The following RBM26 variants were observed in gnomAD, a reference collection of about 807,000 sequenced individuals.
RBM26 encodes RNA-binding protein 26.
Under a neutral mutation model 123.6 loss-of-function variants are expected in RBM26, and 30 were observed. The observed-to-expected ratio is 0.24, with a 90% confidence interval of 0.18 to 0.33. The LOEUF (loss-of-function observed/expected upper bound fraction) is 0.33. RBM26 is among the 10% of genes least tolerant of loss of function. RBM26 has a pLI of 1.00. For synonymous variants in RBM26, 400 were observed against 404.4 expected, an observed-to-expected ratio of 0.99 and a Z score of 0.13; for missense variants, 947 against 1,203.6, an observed-to-expected ratio of 0.79 and a Z score of 3.15.
chr13:79,346,913 A>G (rs9318623), intron 14 of RBM26, among the ~76,000 whole-genome samples: 72,593 of 151,980 alleles, frequency 0.48, 17,941 homozygotes, highest in East Asian at 0.72. Context: ...TGGCCAAAAG[A>G]AAAAACTCCT....
chr13:79,395,542 C>A (rs567135813), intron 1 of RBM26, among the ~76,000 whole-genome samples: 3 of 151,906 alleles, frequency 2.0e-5, no homozygotes, highest in South Asian at 4.2e-4. Context: ...AAGTTCAAGA[C>A]AAGTCTAGTT....
chr13:79,378,832 T>C lies in RBM26; in HGVS notation c.147A>G (p.Leu49=), dbSNP rs756240771. Residue 49 remains leucine (L), a synonymous_variant, in exon 2 of 22, where the codon TTA becomes TTG. Transcript: ENST00000438737. ...LVKKDKSEKE[L]KALCIDQLDV... is the part of the protein sequence containing the mutation. The stretch of plus-strand genomic sequence containing the variant: ...CCAGCTGATCAATACATAATGCCTT[T>C]AACTCTTTTTCACTTTTGTCTTTCT... The C allele has an allele frequency of 1.2e-6, 2 of 1,612,672 alleles. No individual in the cohort carries two copies. Among genetic ancestry groups the C allele is most frequent in the South Asian group, 1.1e-5 (1 of 91,036 alleles).
chr13:79,347,433 G>GAGATTAGA (rs895131081), intron 14 of RBM26, among the ~76,000 whole-genome samples: 1 of 152,084 alleles, frequency 6.6e-6, no homozygotes, highest in African/African-American at 2.4e-5. Context: ...TCTGGTTCTG[G>GAGATTAGA]AGATTAGACA....
intron 14 of RBM26, among the ~76,000 whole-genome samples, chr13:79,350,311 T>G (rs2073044621): frequency 6.6e-6 from 1 of 152,184 alleles, no homozygotes; most frequent in Admixed American, 6.5e-5. Flanking sequence ...AGATTAAATA[T>G]TCCACTGGTT....
chr13:79,358,326 A>G lies in RBM26; in HGVS notation c.1637T>C (p.Ile546Thr). The G allele has an allele frequency of 6.2e-7, 1 of 1,611,160 alleles. No homozygotes were observed. The highest frequency in any genetic ancestry group is 8.5e-7 in the Non-Finnish European group (1 of 1,179,016). ...ACTAAAATGTTCATTAAGTTTGCTG[A>G]TATTATTTAATTCTGGAGGAACTTT... ...LRKVPPELNN[I>T]SKLNEHFSRF... Residue 546 changes from isoleucine (I) to threonine (T), a missense_variant, in exon 11 of 22, where the codon ATC becomes ACC. Transcript: ENST00000438737.
chr13:79,338,911 C>A (rs543450605), intron 18 of RBM26, among the ~76,000 whole-genome samples: 2 of 152,068 alleles, frequency 1.3e-5, no homozygotes, highest in Non-Finnish European at 2.9e-5. Context: ...AGGGAGAAAT[C>A]AATTAAGACT....
At chr13:79,344,641 T>G in intron 15 of RBM26, 28 bp downstream of exon 15, 1 of 1,589,202 alleles carries the variant, frequency 6.3e-7, no homozygotes, top group South Asian at 1.2e-5. Flanking sequence ...TATGCAAAAA[T>G]TTTTTATACT....
intron 3 of RBM26, among the ~76,000 whole-genome samples, chr13:79,375,081 T>TATATAAATATATATTTATATATC (rs376294728): frequency 0.5 from 51,763 of 103,222 alleles, 10,088 homozygotes; most frequent in East Asian, 0.7. Flanking sequence ...TTATATGATA[T>TATATAAATATATATTTATATATC]ATATAAATAT....
intron 15 of RBM26, 79 bp downstream of exon 15, chr13:79,344,590 A>T: frequency 7.8e-7 from 1 of 1,277,914 alleles, no homozygotes. Flanking sequence ...TTATTTTGCA[A>T]TAAGCACTGA....
At position 79,392,230 on chromosome 13, in the gene RBM26, ATTATATATTATACAATAATACATAATT is replaced by A. The variant is rs2078140768; in HGVS notation, c.72-13350_72-13324del. On this transcript the variant is annotated intron_variant, in intron 1 of 21. Coordinates refer to ENST00000438737, the MANE Select transcript of RBM26 (RefSeq NM_001366735.2). ...TACAATAATACATAATTATTATATA[ATTATATATTATACAATAATACATAATT>A]ATTATATAATTATATATTAATTATA... Among the ~76,000 whole-genome samples, 10 of 112,624 alleles carry A rather than the reference ATTATATATTATACAATAATACATAATT, an allele frequency of 8.9e-5. No homozygotes were observed. The Admixed American group carries it at 1.0e-3, about 12-fold the overall frequency. The allele number at this position is 112,624 out of a possible 152,430, so 73.9% of individuals were successfully genotyped here. A position where few individuals can be genotyped will look rare whatever the true frequency, so the allele number is the denominator to read the frequency against.
chr13:79,374,255 G>C (rs141056379), intron 3 of RBM26, among the ~76,000 whole-genome samples: 5 of 152,112 alleles, frequency 3.3e-5, no homozygotes, highest in African/African-American at 1.2e-4. Flanking sequence ...GATCACTTGA[G>C]GTCAGCAGTT....
At chr13:79,367,710 G>A (rs2075454401) in intron 6 of RBM26, among the ~76,000 whole-genome samples, 1 of 152,034 alleles carries the variant, frequency 6.6e-6, no homozygotes, top group South Asian at 2.1e-4. Context: ...AGATGCAGAT[G>A]CTGGCACTAC....
At chr13:79,363,674 T>G (rs1192891714) in intron 9 of RBM26, among the ~76,000 whole-genome samples, 1 of 152,186 alleles carries the variant, frequency 6.6e-6, no homozygotes. Context: ...TGTAACAATA[T>G]GCATTAAGAG....
chr13:79,360,066 A>G (rs1489100905), intron 9 of RBM26, among the ~76,000 whole-genome samples: 1 of 152,118 alleles, frequency 6.6e-6, no homozygotes, highest in Non-Finnish European at 1.5e-5. Flanking sequence ...GGTAAATACA[A>G]AAAGATATTT....
At chr13:79,398,504 A>G (rs1337732519) in intron 1 of RBM26, among the ~76,000 whole-genome samples, 1 of 152,230 alleles carries the variant, frequency 6.6e-6, no homozygotes, top group Admixed American at 6.5e-5. Context: ...TCACAAGTTA[A>G]GGGGATAAAG....
chr13:79,402,679 C>A (rs1004899601), intron 1 of RBM26, among the ~76,000 whole-genome samples: 3 of 152,022 alleles, frequency 2.0e-5, no homozygotes, highest in African/African-American at 7.2e-5. Context: ...ATCTGTTCAC[C>A]AAACCTATAA....
At chr13:79,361,676 T>C (rs1203610547) in intron 9 of RBM26, among the ~76,000 whole-genome samples, 6 of 152,178 alleles carry the variant, frequency 3.9e-5, no homozygotes, top group Admixed American at 3.9e-4. Context: ...CCCTGGGTTT[T>C]TAGGAATCCC....
chr13:79,396,518 T>A (rs2078578398), intron 1 of RBM26, among the ~76,000 whole-genome samples: 1 of 152,144 alleles, frequency 6.6e-6, no homozygotes, highest in Non-Finnish European at 1.5e-5. Context: ...AATCTTTGAA[T>A]ATCATAAATT....
At chr13:79,363,715 G>A (rs777575671) in intron 9 of RBM26, among the ~76,000 whole-genome samples, 3 of 152,026 alleles carry the variant, frequency 2.0e-5, no homozygotes, top group Non-Finnish European at 2.9e-5. Context: ...ACTTGTACAT[G>A]GTAAGATTTA....
Sources: allele counts gnomAD v4.1 joint callset (sites outside exome capture counted in the v4.1 genomes callset), GRCh38; gene constraint gnomAD v4.1.1; transcripts MANE v1.5; gene names NCBI Gene and HGNC (gene_info 2026-07-23, HGNC 2026-07-21).